Variants in CHL1 observed in about 807,000 individuals in gnomAD.
CHL1 encodes neural cell adhesion molecule L1-like protein.
Under a neutral mutation model 141.9 loss-of-function variants are expected in CHL1, and 96 were observed. The observed-to-expected ratio is 0.68, with a 90% CI of 0.57 to 0.80. The LOEUF is 0.80. Among genes scored for constraint, CHL1 ranks in the 30% least tolerant of loss-of-function variants. The pLI, the probability that CHL1 is intolerant of heterozygous loss-of-function variation, is 0.00. For missense variants in CHL1, 1,820 were observed against 1,457.2 expected, an observed-to-expected ratio of 1.25 and a Z score of -4.05; for synonymous variants, 613 against 502.2, an observed-to-expected ratio of 1.22 and a Z score of -2.95.
intron 11 of CHL1, among the ~76,000 whole-genome samples, chr3:356,699 G>A (rs1477655387): frequency 1.3e-5 from 2 of 152,172 alleles, no homozygotes; most frequent in Non-Finnish European, 2.9e-5. Flanking sequence ...AGCAGGGAAA[G>A]TGCTGTCTCA....
intron 20 of CHL1, 99 bp from the exon 21 acceptor site, chr3:390,602 T>C (rs536766092): frequency 2.9e-6 from 2 of 682,872 alleles, no homozygotes; most frequent in South Asian, 3.6e-5. Context: ...TTCACAAAAG[T>C]GCTTTCTCCA....
chr3:322,258 C>G (rs545607483), intron 3 of CHL1, among the ~76,000 whole-genome samples: 1 of 151,628 alleles, frequency 6.6e-6, no homozygotes, highest in African/African-American at 2.4e-5. Flanking sequence ...TATCCATAAC[C>G]TGGTAAAACT....
intron 1 of CHL1, among the ~76,000 whole-genome samples, chr3:231,596 G>A (rs1023684317): frequency 1.5e-4 from 6 of 39,156 alleles, no homozygotes; most frequent in African/African-American, 6.3e-4. Context: ...TTTTTTTTTT[G>A]AGATGGAGTC....
chr3:399,457 T>G (rs578156106), intron 26 of CHL1, among the ~76,000 whole-genome samples: 19 of 151,962 alleles, frequency 1.3e-4, no homozygotes, highest in Non-Finnish European at 2.9e-5. Context: ...CTGGCCAACA[T>G]GATGAAACCC....
chr3:284,829 T>TTA (rs1315680632), intron 2 of CHL1, among the ~76,000 whole-genome samples: 1 of 152,090 alleles, frequency 6.6e-6, no homozygotes, highest in African/African-American at 2.4e-5. Flanking sequence ...CTTGGGATAA[T>TTA]TATATATAGC....
intron 2 of CHL1, among the ~76,000 whole-genome samples, chr3:273,706 G>T (rs1013621063): frequency 7.2e-5 from 11 of 152,026 alleles, no homozygotes; most frequent in African/African-American, 2.7e-4. Flanking sequence ...AAGAATAAGG[G>T]TATATATCTC....
At chr3:391,220 C>T in intron 22 of CHL1, 61 bp downstream of exon 22, 4 of 1,340,848 alleles carry the variant, frequency 3.0e-6, no homozygotes, top group Admixed American at 3.4e-5. Context: ...CCATATTAAA[C>T]ATTCTTCCTT....
rs148296458 is a variant in CHL1, at chr3:397,249, C to T, written c.3095-978C>T. Reference sequence around the variant, plus strand: ...AATTAATTGCACTCTGTTTCAATGACGCTTAATCTTGAAGGCTTTGCTCAT... The same window carrying T: ...AATTAATTGCACTCTGTTTCAATGATGCTTAATCTTGAAGGCTTTGCTCAT... On this transcript the variant is annotated intron_variant, in intron 24 of 27. Transcript: ENST00000256509. Among the ~76,000 whole-genome samples, 644 of 152,208 alleles carry T rather than the reference C, an allele frequency of 4.2e-3. 6 individuals carry two copies. The highest frequency in any genetic ancestry group is 6.5e-3 in the Non-Finnish European group (440 of 67,976).
rs1403749753 is a variant in CHL1 at position 363,224 on chromosome 3, G to A, written c.1426G>A (p.Val476Met). The A allele has an allele frequency of 1.2e-6, 2 of 1,609,370 alleles. No individual in the cohort carries two copies. The highest frequency in any genetic ancestry group is 1.7e-6 in the Non-Finnish European group (2 of 1,178,446). ...CGCTTTCTTTGTCCATAGGCAGAAG[G>A]TGGAAGAAGTGAAACCCCTGGAGGG... ...SPEAVVSWQK[V>M]EEVKPLEGRR... is the part of the protein sequence containing the mutation. Residue 476 changes from valine to methionine, a missense_variant, in exon 14 of 28, where the codon GTG (valine) becomes ATG (methionine). Val to Met is a conservative substitution (Grantham distance 21). Transcript: ENST00000256509.
At chr3:290,925 G>A (rs1289388580) in intron 2 of CHL1, among the ~76,000 whole-genome samples, 1 of 138,850 alleles carries the variant, frequency 7.2e-6, no homozygotes, top group Non-Finnish European at 1.5e-5. Context: ...AATAGAATGA[G>A]ACTCTGTCTC....
chr3:261,873 TC>T (rs950895408), intron 2 of CHL1, among the ~76,000 whole-genome samples: 1 of 152,124 alleles, frequency 6.6e-6, no homozygotes, highest in African/African-American at 2.4e-5. Flanking sequence ...CTTAATAACT[TC>T]CTTTAGTCAA....
At chr3:325,514 T>C (rs1035965855) in intron 3 of CHL1, among the ~76,000 whole-genome samples, 6 of 151,944 alleles carry the variant, frequency 3.9e-5, no homozygotes, top group African/African-American at 1.4e-4. Context: ...TTATAGCATA[T>C]CAGTGGGAAG....
intron 1 of CHL1, among the ~76,000 whole-genome samples, chr3:226,086 A>T (rs1295454544): frequency 1.3e-5 from 2 of 150,886 alleles, no homozygotes; most frequent in East Asian, 3.9e-4. Flanking sequence ...CGGAGGCACG[A>T]TCTCAGCTCA....
chr3:198,408 G>A (rs1267332228), intron 1 of CHL1, among the ~76,000 whole-genome samples: 1 of 152,052 alleles, frequency 6.6e-6, no homozygotes, highest in Non-Finnish European at 1.5e-5. Context: ...GCGTGGCGAT[G>A]GTAACTGGTG....
At chr3:375,470 G>A (rs1033852050) in intron 15 of CHL1, among the ~76,000 whole-genome samples, 1 of 151,752 alleles carries the variant, frequency 6.6e-6, no homozygotes, top group African/African-American at 2.4e-5. Flanking sequence ...TGAGGGAAGG[G>A]GAGAAGTTGA....
chr3:376,576 T>C (rs541268891), intron 15 of CHL1, among the ~76,000 whole-genome samples: 1 of 152,220 alleles, frequency 6.6e-6, no homozygotes, highest in Non-Finnish European at 1.5e-5. Context: ...TTCTCTGGCC[T>C]GAAACACCCC....
intron 2 of CHL1, among the ~76,000 whole-genome samples, chr3:302,192 G>C (rs1295863939): frequency 1.3e-5 from 2 of 152,154 alleles, no homozygotes; most frequent in African/African-American, 2.4e-5. Flanking sequence ...ATTGTGAATT[G>C]TGCCACAATA....
chr3:373,852 C>A (rs1420695185), intron 15 of CHL1: 5 of 152,404 alleles, frequency 3.3e-5, no homozygotes, highest in African/African-American at 9.7e-5. Context: ...TCTCCCCTGC[C>A]CCGTGCGGCT....
chr3:340,732 T>C lies in CHL1; in HGVS notation c.386-62T>C, dbSNP rs1186608243. On this transcript the variant is annotated intron_variant, in intron 5 of 27. Transcript: ENST00000256509. Reference sequence around the variant, plus strand: ...TTTGAAAAAAAAGAACATATTAAGATATTTGTTGTTATAGTCAAAGTTAAT... The same window carrying C: ...TTTGAAAAAAAAGAACATATTAAGACATTTGTTGTTATAGTCAAAGTTAAT... The C allele has an allele frequency of 3.3e-5, 44 of 1,316,202 alleles. No individual in the cohort carries two copies. The South Asian group carries it at 4.3e-4, about 13-fold the overall frequency. 81.5% of individuals were successfully genotyped at this position (1,316,202 alleles called of 1,614,324 possible).
Sources: allele counts gnomAD v4.1 joint callset (sites outside exome capture counted in the v4.1 genomes callset), GRCh38; gene constraint gnomAD v4.1.1; transcripts MANE v1.5; gene names NCBI Gene and HGNC (gene_info 2026-07-23, HGNC 2026-07-21).